STX8: variants seen among roughly 807,000 people sequenced by gnomAD.
The protein encoded by STX8 is syntaxin 8.
STX8 carries 23 observed loss-of-function variants against 37.5 expected under a neutral mutation model. The observed-to-expected ratio is 0.61, with a 90% CI of 0.44 to 0.87. The LOEUF is 0.87. Among genes scored for constraint, STX8 ranks in the 40% least tolerant of loss-of-function variants. The pLI is 0.00. For synonymous variants in STX8, 115 were observed against 99.1 expected (o/e 1.16, Z -0.95); for missense variants, 313 against 284.7 (o/e 1.10, Z -0.71).
intron 7 of STX8, among the ~76,000 whole-genome samples, chr17:9,311,462 G>T (rs1335643035): frequency 6.6e-6 from 1 of 152,150 alleles, no homozygotes; most frequent in Non-Finnish European, 1.5e-5. Context: ...TTTAGAAACT[G>T]CAATATGTAA....
intron 6 of STX8, among the ~76,000 whole-genome samples, chr17:9,474,165 G>A (rs758232568): frequency 2.6e-5 from 4 of 152,192 alleles, no homozygotes; most frequent in Non-Finnish European, 5.9e-5. Flanking sequence ...GATACATGGA[G>A]AGGGTGATAC....
In STX8 at chr17:9,391,962, T is replaced by C. The variant is rs145978294; in HGVS notation, c.542-13309A>G. On this transcript the variant is annotated intron_variant, in intron 6 of 7. Coordinates refer to ENST00000306357, the MANE Select transcript of STX8 (RefSeq NM_004853.3). ...TGACCCCAAATAGTATACGTAGACA[T>C]TGAGAGCTGAACTACAGGAGAGAAA... Among the ~76,000 whole-genome samples, 132 of 152,244 alleles carry C rather than the reference T, an allele frequency of 8.7e-4. No individual in the cohort carries two copies. The South Asian group carries it at 0.016, about 19-fold the overall frequency.
At chr17:9,521,631 T>C (rs561469632) in intron 4 of STX8, among the ~76,000 whole-genome samples, 1 of 152,342 alleles carries the variant, frequency 6.6e-6, no homozygotes, top group Non-Finnish European at 1.5e-5. Flanking sequence ...ATATCTTCTA[T>C]GTATCAGGCA....
chr17:9,321,452 C>T (rs145931093), intron 7 of STX8, among the ~76,000 whole-genome samples: 1 of 151,790 alleles, frequency 6.6e-6, no homozygotes, highest in African/African-American at 2.4e-5. Context: ...ATTGCTTGAA[C>T]CCAGGAGGTG....
chr17:9,445,618 C>T (rs116823305), intron 6 of STX8, among the ~76,000 whole-genome samples: 123 of 151,668 alleles, frequency 8.1e-4, no homozygotes, highest in African/African-American at 2.8e-3. Context: ...AGTTGTAAAT[C>T]GGAATAACAG....
chr17:9,349,238 T>C (rs1007578789), intron 7 of STX8, among the ~76,000 whole-genome samples: 4 of 151,534 alleles, frequency 2.6e-5, no homozygotes, highest in African/African-American at 9.7e-5. Flanking sequence ...GTGATCTGCC[T>C]ACCTCGGCCT....
rs1011557486 is a variant in STX8 at position 9,276,103 on chromosome 17, CT to C, written c.644-25459del. Among the ~76,000 whole-genome samples, 11 of 42,902 alleles carry C rather than the reference CT, an allele frequency of 2.6e-4. 1 individual carries two copies. The highest frequency in any genetic ancestry group is 4.8e-4 in the African/African-American group (10 of 20,742). 28.1% of individuals were successfully genotyped at this position (42,902 alleles called of 152,430 possible). On this transcript the variant is annotated intron_variant, in intron 7 of 7. Coordinates refer to ENST00000306357, the MANE Select transcript of STX8 (RefSeq NM_004853.3). Reference sequence around the variant, plus strand: ...GGTGGCTGCGGTTTCTATCTACCCCCTGATCCCACCCATCAAGCCATAGGGC... The same window carrying C: ...GGTGGCTGCGGTTTCTATCTACCCCCGATCCCACCCATCAAGCCATAGGGC...
intron 7 of STX8, among the ~76,000 whole-genome samples, chr17:9,262,642 C>G (rs527954413): frequency 1.3e-5 from 2 of 151,678 alleles, no homozygotes; most frequent in African/African-American, 4.8e-5. Context: ...AGTGCAGTGG[C>G]GAGATCTCGG....
At chr17:9,367,388 T>C (rs1477541270) in intron 7 of STX8, among the ~76,000 whole-genome samples, 2 of 152,098 alleles carry the variant, frequency 1.3e-5, no homozygotes, top group Non-Finnish European at 2.9e-5. Context: ...GATCACAACC[T>C]TCTTGCCAAG....
intron 7 of STX8, among the ~76,000 whole-genome samples, chr17:9,343,934 C>T (rs1369785968): frequency 6.6e-6 from 1 of 152,130 alleles, no homozygotes; most frequent in Non-Finnish European, 1.5e-5. Context: ...ACCCAGGTTC[C>T]CTTAACTTTT....
intron 6 of STX8, among the ~76,000 whole-genome samples, chr17:9,410,507 G>A (rs1284722882): frequency 3.9e-5 from 6 of 152,152 alleles, no homozygotes; most frequent in African/African-American, 9.7e-5. Context: ...AATCAGGCAC[G>A]CTCAGTTACT....
At chr17:9,455,163 T>C (rs1027136785) in intron 6 of STX8, among the ~76,000 whole-genome samples, 5 of 151,306 alleles carry the variant, frequency 3.3e-5, no homozygotes, top group East Asian at 2.0e-4. Flanking sequence ...GATGACACCA[T>C]TGCACTCCAG....
Position 9,348,884 on chromosome 17 carries a change from G to A in STX8, c.643+29668C>T, listed in dbSNP as rs1910613903. On this transcript the variant is annotated intron_variant, in intron 7 of 7. Coordinates refer to ENST00000306357, the MANE Select transcript of STX8 (RefSeq NM_004853.3). ...TCAGAGAAAAGCTTATACATTAATC[G>A]TCCCTTATGCATGGAGGACGCGTTC... Among the ~76,000 whole-genome samples the A allele has an allele frequency of 3.3e-5, 5 of 152,140 alleles. No individual in the cohort carries two copies. In the South Asian group the frequency reaches 1.0e-3, roughly 32 times the overall value.
At chr17:9,359,869 TTTA>T (rs1161042627) in intron 7 of STX8, among the ~76,000 whole-genome samples, 6 of 151,898 alleles carry the variant, frequency 4.0e-5, no homozygotes, top group African/African-American at 1.2e-4. Flanking sequence ...CAAAGGTGAT[TTTA>T]TTTCTCTTTG....
At chr17:9,452,852 G>C (rs1300157549) in intron 6 of STX8, among the ~76,000 whole-genome samples, 1 of 151,574 alleles carries the variant, frequency 6.6e-6, no homozygotes, top group South Asian at 2.1e-4. Flanking sequence ...AGGCTGCAGT[G>C]CTATAGTGCA....
At chr17:9,438,154 A>C (rs1307423668) in intron 6 of STX8, among the ~76,000 whole-genome samples, 1 of 150,726 alleles carries the variant, frequency 6.6e-6, no homozygotes, top group Non-Finnish European at 1.5e-5. Flanking sequence ...GAGGCAGAAG[A>C]ATTGCTTGAA....
chr17:9,260,474 A>G (rs1300107207), intron 7 of STX8, among the ~76,000 whole-genome samples: 1 of 152,122 alleles, frequency 6.6e-6, no homozygotes, highest in African/African-American at 2.4e-5. Flanking sequence ...AAATACAAAA[A>G]TTAGCCAGGC....
intron 7 of STX8, among the ~76,000 whole-genome samples, chr17:9,339,483 T>C (rs1470948521): frequency 9.9e-5 from 15 of 152,024 alleles, no homozygotes; most frequent in Admixed American, 9.8e-4. Context: ...TGAAACCCTG[T>C]CTCTGCTAAA....
At chr17:9,462,773 TC>T (rs1389858058) in intron 6 of STX8, among the ~76,000 whole-genome samples, 2 of 152,112 alleles carry the variant, frequency 1.3e-5, no homozygotes, top group African/African-American at 4.8e-5. Context: ...TAATAAAACA[TC>T]CAATGAAACC....
Sources: gnomAD v4.1 joint callset for allele counts (sites outside exome capture counted in the v4.1 genomes callset) on GRCh38, gnomAD v4.1.1 for gene constraint, MANE v1.5 for transcripts, NCBI Gene and HGNC (gene_info 2026-07-23, HGNC 2026-07-21) for gene names.